PCCA: variants seen among roughly 807,000 people sequenced by gnomAD.
PCCA encodes propionyl-CoA carboxylase subunit alpha.
A neutral mutation model predicts 101.3 loss-of-function variants in PCCA; 74 were observed. The observed-to-expected ratio is 0.73, with a 90% CI of 0.61 to 0.89. The LOEUF (loss-of-function observed/expected upper bound fraction) is 0.89. Among genes scored for constraint, PCCA ranks in the 40% least tolerant of loss-of-function variants. The pLI is 0.00. For missense variants in PCCA, 891 were observed against 907.0 expected (o/e 0.98, Z 0.23); for synonymous variants, 294 against 313.6 (o/e 0.94, Z 0.66).
chr13:100,424,789 A>G (rs1450853552), intron 19 of PCCA, among the ~76,000 whole-genome samples: 1 of 152,170 alleles, frequency 6.6e-6, no homozygotes, highest in Non-Finnish European at 1.5e-5. Context: ...GGGATCATAT[A>G]TCATAGTTCT....
At chr13:100,237,939 C>CTTTCT (rs1555389942) in intron 8 of PCCA, among the ~76,000 whole-genome samples, 22 of 127,490 alleles carry the variant, frequency 1.7e-4, no homozygotes, top group Non-Finnish European at 3.5e-4. Flanking sequence ...TTCTTTCTTT[C>CTTTCT]TTTTTTTTTT....
intron 15 of PCCA, among the ~76,000 whole-genome samples, chr13:100,307,848 T>G (rs955519072): frequency 1.3e-5 from 2 of 152,102 alleles, no homozygotes; most frequent in Non-Finnish European, 2.9e-5. Context: ...AGATTGTGGA[T>G]TTTATTTTTA....
rs115690501 is a variant in PCCA at position 100,334,019 on chromosome 13, A to C, written c.1540+3348A>C. On this transcript the variant is annotated intron_variant, in intron 17 of 23. Coordinates refer to ENST00000376285, the MANE Select transcript of PCCA (RefSeq NM_000282.4). ...AGAGAAATAATAATGTAAAGTACCC[A>C]CTATACTACAGGACAGGATAAAGTA... 3.9e-3 allele frequency among the ~76,000 whole-genome samples: 601 copies of C among 152,312 alleles called. 5 individuals are homozygous for C. The highest frequency in any genetic ancestry group is 0.013 in the African/African-American group (556 of 41,574).
At chr13:100,522,559 A>G (rs2087393403) in intron 22 of PCCA, among the ~76,000 whole-genome samples, 1 of 152,180 alleles carries the variant, frequency 6.6e-6, no homozygotes, top group African/African-American at 2.4e-5. Flanking sequence ...CCTGGCCTCT[A>G]TTTCAACGAT....
intron 13 of PCCA, 49 bp downstream of exon 13, chr13:100,301,652 A>T: frequency 6.2e-7 from 1 of 1,600,860 alleles, no homozygotes; most frequent in Non-Finnish European, 8.6e-7. Context: ...GTCCAGAGTC[A>T]TGAGACCTGG....
chr13:100,500,402 G>T (rs2085581701), intron 21 of PCCA, among the ~76,000 whole-genome samples: 1 of 152,116 alleles, frequency 6.6e-6, no homozygotes, highest in Admixed American at 6.6e-5. Context: ...ATACTAATTA[G>T]TTCATGTAAT....
chr13:100,451,476 G>A (rs996366552), intron 21 of PCCA, among the ~76,000 whole-genome samples: 1 of 152,134 alleles, frequency 6.6e-6, no homozygotes, highest in Non-Finnish European at 1.5e-5. Context: ...GCTGCATTAC[G>A]TGGATGGAGA....
chr13:100,254,491 G>C (rs2061952776), intron 8 of PCCA, among the ~76,000 whole-genome samples: 2 of 152,156 alleles, frequency 1.3e-5, no homozygotes, highest in Non-Finnish European at 2.9e-5. Context: ...GATCATTTCT[G>C]ATTTTTCCAG....
chr13:100,231,783 G>C (rs887623647), intron 7 of PCCA, among the ~76,000 whole-genome samples: 1 of 151,878 alleles, frequency 6.6e-6, no homozygotes, highest in African/African-American at 2.4e-5. Context: ...TGTTGCTTAA[G>C]TCAGTACAGA....
chr13:100,278,225 A>G (rs1002359232), intron 12 of PCCA, among the ~76,000 whole-genome samples: 1 of 152,220 alleles, frequency 6.6e-6, no homozygotes, highest in African/African-American at 2.4e-5. Context: ...ATTTTGTCAT[A>G]ATGAGAAAAA....
At chr13:100,122,399 A>C (rs1468040388) in intron 4 of PCCA, among the ~76,000 whole-genome samples, 1 of 152,146 alleles carries the variant, frequency 6.6e-6, no homozygotes, top group Non-Finnish European at 1.5e-5. Flanking sequence ...TTTTTGGAAG[A>C]ATTGGTATTA....
chr13:100,103,743 C>G (rs192641215), intron 2 of PCCA, among the ~76,000 whole-genome samples: 63 of 152,228 alleles, frequency 4.1e-4, no homozygotes, highest in Admixed American at 3.8e-3. Context: ...TCAAGAGATT[C>G]TCCTGTCTCA....
In PCCA at chr13:100,209,329, C is replaced by T; in HGVS notation, c.469-3C>T. 6.2e-7 allele frequency: 1 copy of T among 1,613,302 alleles called. No homozygotes were observed. Among genetic ancestry groups the T allele is most frequent in the Non-Finnish European group, 8.5e-7 (1 of 1,179,322 alleles). ...ATAAATTTTGACTTGTTTTTCTCCA[C>T]AGGCAGCAGAAGATGTCGTTTTCAT... On this transcript the variant is annotated splice_region_variant and splice_polypyrimidine_tract_variant and intron_variant, in intron 6 of 23. Coordinates refer to ENST00000376285, the MANE Select transcript of PCCA (RefSeq NM_000282.4).
At chr13:100,463,396 A>G (rs942075110) in intron 21 of PCCA, among the ~76,000 whole-genome samples, 2 of 139,662 alleles carry the variant, frequency 1.4e-5, no homozygotes, top group Non-Finnish European at 3.0e-5. Context: ...AGAAGAGGGT[A>G]CATTTGAGAG....
intron 6 of PCCA, among the ~76,000 whole-genome samples, chr13:100,166,639 A>G (rs562645857): frequency 1.3e-5 from 2 of 151,982 alleles, no homozygotes; most frequent in African/African-American, 2.4e-5. Context: ...TTTTTATTCC[A>G]TTGTATGGGT....
intron 7 of PCCA, among the ~76,000 whole-genome samples, chr13:100,231,513 T>G (rs1004246946): frequency 7.2e-5 from 11 of 152,200 alleles, no homozygotes; most frequent in Non-Finnish European, 1.2e-4. Flanking sequence ...ATGAAAAGCT[T>G]AAGTGATTTT....
At chr13:100,300,131 G>C (rs971116970) in intron 12 of PCCA, among the ~76,000 whole-genome samples, 1 of 152,104 alleles carries the variant, frequency 6.6e-6, no homozygotes, top group African/African-American at 2.4e-5. Flanking sequence ...TAGAGTCTTG[G>C]TTCTTACAAA....
intron 7 of PCCA, among the ~76,000 whole-genome samples, chr13:100,215,780 C>G (rs933790649): frequency 2.0e-5 from 3 of 152,052 alleles, no homozygotes; most frequent in African/African-American, 7.2e-5. Flanking sequence ...GCTGGGATTA[C>G]AGGCATGCAC....
At chr13:100,240,576 T>C (rs1298922) in intron 8 of PCCA, among the ~76,000 whole-genome samples, 145,268 of 152,152 alleles carry the variant, frequency 0.95, 69,419 homozygotes, top group East Asian at 1. Context: ...GTATTCATGA[T>C]TTGCAGATTT....
Sources: gnomAD v4.1 joint callset for allele counts (sites outside exome capture counted in the v4.1 genomes callset) on GRCh38, gnomAD v4.1.1 for gene constraint, MANE v1.5 for transcripts, NCBI Gene and HGNC (gene_info 2026-07-23, HGNC 2026-07-21) for gene names.